The following DNAJC3 variants were observed in gnomAD, a reference collection of about 807,000 sequenced individuals.
DNAJC3 encodes the protein dnaJ homolog subfamily C member 3.
DNAJC3 carries 38 observed loss-of-function variants against 68.6 expected under a neutral mutation model. That is an observed-to-expected ratio of 0.55 (90% confidence interval 0.43 to 0.73). The LOEUF (loss-of-function observed/expected upper bound fraction) is 0.73. Ranked by LOEUF, DNAJC3 falls within the 30% of genes least tolerant of loss-of-function variation. The probability of loss-of-function intolerance (pLI) is 0.00; values close to 1 mark genes in which losing one functional copy is unlikely to be tolerated. For missense variants in DNAJC3, 526 were observed against 591.9 expected, an observed-to-expected ratio of 0.89 and a Z score of 1.16; for synonymous variants, 203 against 204.0, an observed-to-expected ratio of 1.00 and a Z score of 0.04.
chr13:95,691,783 G>C (rs1593954505), intron 1 of DNAJC3, among the ~76,000 whole-genome samples: 1 of 152,208 alleles, frequency 6.6e-6, no homozygotes, highest in Non-Finnish European at 1.5e-5. Flanking sequence ...CTGAGTGAAC[G>C]AGACTCCCTC....
intron 9 of DNAJC3, among the ~76,000 whole-genome samples, chr13:95,768,274 A>T (rs950846070): frequency 6.6e-6 from 1 of 152,206 alleles, no homozygotes; most frequent in Non-Finnish European, 1.5e-5. Flanking sequence ...TGGCTATTAA[A>T]TAAGATGATG....
chr13:95,778,665 A>T (rs1298090702), intron 9 of DNAJC3, among the ~76,000 whole-genome samples: 2 of 152,202 alleles, frequency 1.3e-5, no homozygotes, highest in African/African-American at 4.8e-5. Flanking sequence ...AAATAGAATG[A>T]TGTTTGTACA....
chr13:95,686,156 T>G (rs939027521), intron 1 of DNAJC3, among the ~76,000 whole-genome samples: 8 of 152,250 alleles, frequency 5.3e-5, no homozygotes, highest in Admixed American at 6.5e-5. Context: ...AGAGACAGGG[T>G]TTCACTGTGC....
intron 1 of DNAJC3, among the ~76,000 whole-genome samples, chr13:95,703,431 AG>A (rs967300968): frequency 2.6e-5 from 4 of 152,352 alleles, no homozygotes; most frequent in Non-Finnish European, 5.9e-5. Flanking sequence ...CCAAATGCAC[AG>A]TGGAAAGGAC....
chr13:95,752,577 A>C (rs1003948666), intron 4 of DNAJC3, among the ~76,000 whole-genome samples: 2 of 152,166 alleles, frequency 1.3e-5, no homozygotes, highest in African/African-American at 4.8e-5. Context: ...TTCTTCTTTG[A>C]TGTTCCACAA....
chr13:95,754,212 C>T (rs543373748), intron 4 of DNAJC3, among the ~76,000 whole-genome samples: 9 of 152,126 alleles, frequency 5.9e-5, no homozygotes, highest in South Asian at 2.1e-4. Flanking sequence ...GTAAACGATC[C>T]GCCCCTAAAC....
intron 4 of DNAJC3, among the ~76,000 whole-genome samples, chr13:95,729,750 T>TAA (rs1881654300): frequency 2.0e-5 from 3 of 152,138 alleles, no homozygotes; most frequent in Non-Finnish European, 4.4e-5. Flanking sequence ...ATTTCCCTGA[T>TAA]TATTAGTGAT....
At chr13:95,764,683 TAC>T (rs1555328231) in intron 9 of DNAJC3, among the ~76,000 whole-genome samples, 94 of 88,272 alleles carry the variant, frequency 1.1e-3, no homozygotes, top group Admixed American at 2.4e-3. Context: ...TATATATATA[TAC>T]ACACACACAC....
chr13:95,692,823 C>CTTTTTTT (rs560572728), intron 1 of DNAJC3: 17 of 141,640 alleles, frequency 1.2e-4, no homozygotes, highest in African/African-American at 3.9e-4. Flanking sequence ...GCACCCATGC[C>CTTTTTTT]TTTTTTTTTT....
intron 2 of DNAJC3, among the ~76,000 whole-genome samples, chr13:95,719,820 T>C (rs924690109): frequency 3.9e-5 from 6 of 152,218 alleles, no homozygotes; most frequent in African/African-American, 1.4e-4. Flanking sequence ...ATGGGATCCT[T>C]AATACAAAAG....
At chr13:95,767,139 G>A (rs1300753140) in intron 9 of DNAJC3, among the ~76,000 whole-genome samples, 4 of 151,984 alleles carry the variant, frequency 2.6e-5, no homozygotes, top group African/African-American at 4.8e-5. Flanking sequence ...CTTTTTCATC[G>A]TGCAAATCTG....
At chr13:95,763,612 C>T (rs189084107) in intron 7 of DNAJC3, 31 bp from the exon 8 acceptor site, 41 of 1,600,102 alleles carry the variant, frequency 2.6e-5, no homozygotes, top group Non-Finnish European at 4.3e-6. Context: ...CAAATGTCAT[C>T]ATTTCTTATC....
intron 1 of DNAJC3, 36 bp from the exon 2 acceptor site, chr13:95,709,191 G>A: frequency 7.1e-7 from 1 of 1,410,794 alleles, no homozygotes; most frequent in Non-Finnish European, 9.5e-7. Flanking sequence ...CTTAGTTCGT[G>A]GAAAGTTAAC....
At chr13:95,684,242 A>G (rs74882171) in intron 1 of DNAJC3, among the ~76,000 whole-genome samples, 1,953 of 152,242 alleles carry the variant, frequency 0.013, 48 homozygotes, top group African/African-American at 0.045. Flanking sequence ...ACCGCAGATG[A>G]GGAACTTATT....
intron 4 of DNAJC3, among the ~76,000 whole-genome samples, chr13:95,728,978 ATCATG>A (rs1358542559): frequency 6.6e-6 from 1 of 151,308 alleles, no homozygotes; most frequent in Non-Finnish European, 1.5e-5. Context: ...TCTAATGTCT[ATCATG>A]TCTGTCATCC....
At chr13:95,722,831 C>T (rs1593979787) in intron 2 of DNAJC3, among the ~76,000 whole-genome samples, 2 of 38,648 alleles carry the variant, frequency 5.2e-5, no homozygotes, top group South Asian at 9.1e-4. Flanking sequence ...CCCCCCCCCC[C>T]CCCCCCCCGC....
rs1879921628 is a variant in DNAJC3 at position 95,681,785 on chromosome 13, C to G, written c.82+4448C>G. Among the ~76,000 whole-genome samples the G allele has an allele frequency of 1.3e-5, 2 of 152,162 alleles. 1 individual carries two copies. The highest frequency in any genetic ancestry group is 4.1e-4 in the South Asian group (2 of 4,832). On this transcript the variant is annotated intron_variant, in intron 1 of 11. Coordinates refer to ENST00000602402, the MANE Select transcript of DNAJC3 (RefSeq NM_006260.5). Reference sequence around the variant, plus strand: ...CAAACATTTTCCTCCTTTCTGAAGCCTCTAATTTAAACTCTCCTTTCCTCT... The same window carrying G: ...CAAACATTTTCCTCCTTTCTGAAGCGTCTAATTTAAACTCTCCTTTCCTCT...
At chr13:95,739,848 C>T (rs1358588293) in intron 4 of DNAJC3, among the ~76,000 whole-genome samples, 1 of 152,234 alleles carries the variant, frequency 6.6e-6, no homozygotes, top group East Asian at 1.9e-4. Flanking sequence ...TGTTCTGTTG[C>T]TGGTGAGGAA....
rs777968421 is a variant in DNAJC3 at position 95,731,901 on chromosome 13, A to ATT, written c.393+6670_393+6671dup. On this transcript the variant is annotated intron_variant, in intron 4 of 11. Transcript: ENST00000602402. ...AGGTGTGCATCACCACGCCTGGCTA[A>ATT]TTTTTTTTTTTTTTTTTTTTTTGAG... 5.4e-3 allele frequency among the ~76,000 whole-genome samples: 667 copies of ATT among 123,892 alleles called. 7 individuals are homozygous for ATT. The highest frequency in any genetic ancestry group is 8.5e-3 in the African/African-American group (266 of 31,422). 81.3% of individuals were successfully genotyped at this position (123,892 alleles called of 152,430 possible). A position where few individuals can be genotyped will look rare whatever the true frequency, so the allele number is the denominator to read the frequency against.
Sources: allele counts gnomAD v4.1 joint callset (sites outside exome capture counted in the v4.1 genomes callset), GRCh38; gene constraint gnomAD v4.1.1; transcripts MANE v1.5; gene names NCBI Gene and HGNC (gene_info 2026-07-23, HGNC 2026-07-21).